Variants in PLEKHA7 observed in about 807,000 individuals in gnomAD.
PLEKHA7 encodes the protein pleckstrin homology domain-containing family A member 7.
In PLEKHA7, 104 loss-of-function variants were observed where a neutral mutation model predicts 170.0. The ratio of observed to expected loss-of-function variants is 0.61; its 90% CI spans 0.52 to 0.72. The LOEUF (loss-of-function observed/expected upper bound fraction) is 0.72. Ranked by LOEUF, PLEKHA7 falls within the 30% of genes least tolerant of loss-of-function variation. PLEKHA7 has a pLI of 0.00. For synonymous variants in PLEKHA7, 648 were observed against 660.8 expected (o/e 0.98, Z 0.30); for missense variants, 1,615 against 1,671.7 (o/e 0.97, Z 0.59).
At chr11:16,887,065 A>C (rs916956802) in intron 3 of PLEKHA7, among the ~76,000 whole-genome samples, 9 of 152,216 alleles carry the variant, frequency 5.9e-5, no homozygotes, top group Non-Finnish European at 1.0e-4. Flanking sequence ...TTGAAAAACA[A>C]CACAAATCAG....
At chr11:16,866,168 A>G (rs1371846776) in intron 4 of PLEKHA7, among the ~76,000 whole-genome samples, 3 of 152,124 alleles carry the variant, frequency 2.0e-5, no homozygotes, top group Non-Finnish European at 2.9e-5. Context: ...AACATAATAA[A>G]TATGTGCTTC....
rs374849928 is a variant in PLEKHA7, at chr11:16,817,379, G to A, written c.1344-57C>T. ...ACCAAGCGAGGGTTCTGCAGGCTTT[G>A]GGGAACATATCTAAGTAAACCCACA... On this transcript the variant is annotated intron_variant, in intron 10 of 26. Coordinates refer to ENST00000531066, the MANE Select transcript of PLEKHA7 (RefSeq NM_001329630.2). The surrounding 1 kb of genome is among the most constrained non-coding windows in gnomAD (Gnocchi z 4.4). 22 of 1,505,558 alleles carry A rather than the reference G, an allele frequency of 1.5e-5. No individual in the cohort carries two copies. In the East Asian group the frequency reaches 4.8e-4, roughly 33 times the overall value. The allele number at this position is 1,505,558 out of a possible 1,614,324, so 93.3% of individuals were successfully genotyped here.
chr11:16,800,552 G>A (rs535624734), intron 17 of PLEKHA7, among the ~76,000 whole-genome samples: 38 of 152,346 alleles, frequency 2.5e-4, no homozygotes, highest in African/African-American at 8.2e-4. Context: ...TGGTAGAGGT[G>A]TGATAACATC....
intron 3 of PLEKHA7, among the ~76,000 whole-genome samples, chr11:16,874,428 GC>G (rs11295003): frequency 1 from 152,269 of 152,274 alleles, 76,132 homozygotes; most frequent in Middle Eastern, 1. Context: ...GATCACCCGA[GC>G]CCAGGAGTCA....
chr11:16,873,756 T>G (rs1855056031), intron 3 of PLEKHA7, among the ~76,000 whole-genome samples: 1 of 152,196 alleles, frequency 6.6e-6, no homozygotes, highest in African/African-American at 2.4e-5. Context: ...AACCTCTGCC[T>G]CCAGGGTTCA....
chr11:16,794,961 T>A lies in PLEKHA7; in HGVS notation c.2467A>T (p.Ser823Cys). ...ATTCTGAAGTTCTCTTTATTTGCACTCAGGCCTGCAGTGACATCTTCAATT... is the reference window on the plus strand; with the variant it reads ...ATTCTGAAGTTCTCTTTATTTGCACACAGGCCTGCAGTGACATCTTCAATT... ...WRIEDVTAGL[S>C]ANKENFRILV... Residue 823 changes from serine to cysteine, a missense_variant, in exon 18 of 27, where the codon AGT becomes TGT. Coordinates refer to ENST00000531066, the MANE Select transcript of PLEKHA7 (RefSeq NM_001329630.2). 1 of 1,613,972 alleles carries A rather than the reference T, an allele frequency of 6.2e-7. No individual in the cohort carries two copies. The highest frequency in any genetic ancestry group is 8.5e-7 in the Non-Finnish European group (1 of 1,179,932).
intron 16 of PLEKHA7, among the ~76,000 whole-genome samples, 168 bp downstream of exon 16, chr11:16,801,500 C>T (rs966198262): frequency 6.6e-6 from 1 of 152,184 alleles, no homozygotes; most frequent in Non-Finnish European, 1.5e-5. Flanking sequence ...ACATGTCACC[C>T]CCAGACAAGG....
At chr11:16,833,978 G>A (rs1362612926) in intron 9 of PLEKHA7, among the ~76,000 whole-genome samples, 1 of 133,616 alleles carries the variant, frequency 7.5e-6, no homozygotes, top group Non-Finnish European at 1.7e-5. Flanking sequence ...GAGCTCAGGA[G>A]TTTTATATAT....
intron 3 of PLEKHA7, among the ~76,000 whole-genome samples, chr11:16,969,581 C>T (rs1479509956): frequency 6.6e-6 from 1 of 152,146 alleles, no homozygotes; most frequent in Admixed American, 6.5e-5. Context: ...AGTCACACCT[C>T]CCATATCGTC....
chr11:16,794,099 C>T (rs1164737979), intron 19 of PLEKHA7, among the ~76,000 whole-genome samples: 1 of 152,078 alleles, frequency 6.6e-6, no homozygotes, highest in East Asian at 1.9e-4. Flanking sequence ...GAACTCACTG[C>T]CCACAGGCTG....
chr11:16,833,797 T>A (rs1283662573), intron 9 of PLEKHA7, among the ~76,000 whole-genome samples: 1 of 152,170 alleles, frequency 6.6e-6, no homozygotes, highest in Non-Finnish European at 1.5e-5. Flanking sequence ...GACTGAGCAC[T>A]TACTAAATGC....
chr11:16,805,366 GCTTT>G (rs1848886631), intron 13 of PLEKHA7, among the ~76,000 whole-genome samples: 1 of 152,140 alleles, frequency 6.6e-6, no homozygotes, highest in African/African-American at 2.4e-5. Flanking sequence ...TTGATGGAAA[GCTTT>G]CTAAAAGTAT....
At chr11:16,996,399 T>TGAG (rs1864339969) in intron 3 of PLEKHA7, among the ~76,000 whole-genome samples, 1 of 152,142 alleles carries the variant, frequency 6.6e-6, no homozygotes, top group South Asian at 2.1e-4. Context: ...TCCCTCCACC[T>TGAG]ATCCCATCTG....
At chr11:16,869,887 G>A (rs1381409236) in intron 4 of PLEKHA7, among the ~76,000 whole-genome samples, 2 of 152,182 alleles carry the variant, frequency 1.3e-5, no homozygotes, top group African/African-American at 4.8e-5. Flanking sequence ...TAACTAAACA[G>A]AGGAAAAATG....
At chr11:16,869,851 T>C (rs955105632) in intron 4 of PLEKHA7, among the ~76,000 whole-genome samples, 1 of 152,234 alleles carries the variant, frequency 6.6e-6, no homozygotes, top group Non-Finnish European at 1.5e-5. Context: ...ACTGAGAGTT[T>C]ATTTTAAGAT....
intron 3 of PLEKHA7, among the ~76,000 whole-genome samples, chr11:17,000,386 ACTC>A (rs1864593966): frequency 1.3e-5 from 2 of 152,000 alleles, no homozygotes; most frequent in Non-Finnish European, 2.9e-5. Context: ...GAGCCATGAC[ACTC>A]CTCAAGAAAC....
intron 3 of PLEKHA7, among the ~76,000 whole-genome samples, chr11:16,974,004 C>G (rs1590757288): frequency 6.6e-6 from 1 of 152,166 alleles, no homozygotes; most frequent in Admixed American, 6.5e-5. Context: ...CATCACATAC[C>G]TTTTACAGTG....
chr11:16,845,190 C>T (rs1260200273), intron 8 of PLEKHA7, among the ~76,000 whole-genome samples: 1 of 152,120 alleles, frequency 6.6e-6, no homozygotes, highest in African/African-American at 2.4e-5. Flanking sequence ...TGTTCATCTT[C>T]AAGGATGAGG....
At chr11:16,877,297 G>T (rs1855373869) in intron 3 of PLEKHA7, among the ~76,000 whole-genome samples, 1 of 152,084 alleles carries the variant, frequency 6.6e-6, no homozygotes. Context: ...AAGGATTCTG[G>T]ATAACCTAAT....
Sources: gnomAD v4.1 joint callset for allele counts (sites outside exome capture counted in the v4.1 genomes callset) on GRCh38, gnomAD v4.1.1 for gene constraint, Gnocchi (gnomAD v3.1) non-coding constraint, MANE v1.5 for transcripts, NCBI Gene and HGNC (gene_info 2026-07-23, HGNC 2026-07-21) for gene names.